Variants in AHCYL2 observed in about 807,000 individuals in gnomAD.
The protein encoded by AHCYL2 is S-adenosylhomocysteine hydrolase-like protein 2.
In AHCYL2, 28 loss-of-function variants were observed where a neutral mutation model predicts 81.4. The observed-to-expected ratio is 0.34, with a 90% CI of 0.25 to 0.47. The LOEUF (loss-of-function observed/expected upper bound fraction) is 0.47. Ranked by LOEUF, AHCYL2 falls within the 20% of genes least tolerant of loss-of-function variation. The pLI, the probability that AHCYL2 is intolerant of heterozygous loss-of-function variation, is 1.00. For synonymous variants in AHCYL2, 272 were observed against 290.2 expected, an observed-to-expected ratio of 0.94 and a Z score of 0.64; for missense variants, 551 against 785.1, an observed-to-expected ratio of 0.70 and a Z score of 3.56.
intron 15 of AHCYL2, among the ~76,000 whole-genome samples, chr7:129,425,377 T>A (rs1283684256): frequency 6.6e-6 from 1 of 152,216 alleles, no homozygotes; most frequent in Admixed American, 6.5e-5. Flanking sequence ...CCTGTGAATT[T>A]TAAGGATTTT....
chr7:129,283,124 C>T (rs1796507357), intron 1 of AHCYL2, among the ~76,000 whole-genome samples: 1 of 152,170 alleles, frequency 6.6e-6, no homozygotes, highest in Non-Finnish European at 1.5e-5. Flanking sequence ...GCTCCAGGTG[C>T]TCCCAGCATG....
At chr7:129,236,662 C>G (rs73721566) in intron 1 of AHCYL2, among the ~76,000 whole-genome samples, 510 of 152,294 alleles carry the variant, frequency 3.3e-3, no homozygotes, top group African/African-American at 0.012. Flanking sequence ...GCCATGTTGT[C>G]TTTAAAAATG....
intron 1 of AHCYL2, among the ~76,000 whole-genome samples, chr7:129,247,803 T>A (rs1029997207): frequency 1.3e-5 from 2 of 152,156 alleles, no homozygotes; most frequent in Admixed American, 1.3e-4. Context: ...GGTTTTGCCA[T>A]GTTGCCCAGG....
At chr7:129,305,874 A>G (rs1584765197) in intron 1 of AHCYL2, among the ~76,000 whole-genome samples, 1 of 152,214 alleles carries the variant, frequency 6.6e-6, no homozygotes, top group African/African-American at 2.4e-5. Flanking sequence ...ATACTGTTCT[A>G]GGATAAAAGA....
Position 129,290,605 on chromosome 7 carries a change from T to C in AHCYL2, c.363+65166T>C, listed in dbSNP as rs561892140. 4.0e-5 allele frequency among the ~76,000 whole-genome samples: 6 copies of C among 151,042 alleles called. No individual in the cohort carries two copies. In the South Asian group the frequency reaches 1.0e-3, roughly 26 times the overall value. ...TGCAGTATAACAGTAAAAAATAATATGGTTGCAGGTGAAAGAAAAACATGT... is the reference window on the plus strand; with the variant it reads ...TGCAGTATAACAGTAAAAAATAATACGGTTGCAGGTGAAAGAAAAACATGT... On this transcript the variant is annotated intron_variant, in intron 1 of 16. Transcript: ENST00000325006.
At chr7:129,366,342 C>A (rs148514519) in intron 1 of AHCYL2, among the ~76,000 whole-genome samples, 255 of 152,332 alleles carry the variant, frequency 1.7e-3, no homozygotes, top group African/African-American at 5.9e-3. Flanking sequence ...TCTCTGGCAT[C>A]TTACAGTACC....
At chr7:129,296,435 A>G (rs1487337487) in intron 1 of AHCYL2, among the ~76,000 whole-genome samples, 1 of 152,210 alleles carries the variant, frequency 6.6e-6, no homozygotes, top group Non-Finnish European at 1.5e-5. Flanking sequence ...GGGGCCAGGT[A>G]TGGTGGCTCA....
chr7:129,323,459 C>A (rs192457649), intron 1 of AHCYL2, among the ~76,000 whole-genome samples: 10 of 152,034 alleles, frequency 6.6e-5, no homozygotes, highest in African/African-American at 2.2e-4. Flanking sequence ...TATTTAAATT[C>A]GTTTTATGGC....
At chr7:129,364,983 C>T (rs894891335) in intron 1 of AHCYL2, among the ~76,000 whole-genome samples, 1 of 152,072 alleles carries the variant, frequency 6.6e-6, no homozygotes, top group African/African-American at 2.4e-5. Flanking sequence ...ATGCAAGTTG[C>T]CCCCAAAGTA....
At chr7:129,365,684 G>A (rs1794090296) in intron 1 of AHCYL2, among the ~76,000 whole-genome samples, 1 of 145,568 alleles carries the variant, frequency 6.9e-6, no homozygotes, top group African/African-American at 2.6e-5. Flanking sequence ...AGGATTTGTA[G>A]AGGGTTAAGA....
At chr7:129,286,708 GC>G (rs1460019134) in intron 1 of AHCYL2, among the ~76,000 whole-genome samples, 12 of 152,162 alleles carry the variant, frequency 7.9e-5, no homozygotes, top group Non-Finnish European at 1.6e-4. Flanking sequence ...TGATCCACCT[GC>G]CTTGGCCTCC....
intron 2 of AHCYL2, among the ~76,000 whole-genome samples, chr7:129,380,276 A>G (rs1290460629): frequency 6.6e-6 from 1 of 152,206 alleles, no homozygotes; most frequent in African/African-American, 2.4e-5. Flanking sequence ...GCATTAACTC[A>G]GATACATGTG....
chr7:129,267,355 A>T (rs920920164), intron 1 of AHCYL2, among the ~76,000 whole-genome samples: 4 of 151,576 alleles, frequency 2.6e-5, no homozygotes, highest in African/African-American at 9.7e-5. Flanking sequence ...CCCAGGCTGG[A>T]GTGCAGTGGC....
At chr7:129,249,647 G>T (rs1795183212) in intron 1 of AHCYL2, among the ~76,000 whole-genome samples, 1 of 151,164 alleles carries the variant, frequency 6.6e-6, no homozygotes, top group Non-Finnish European at 1.5e-5. Context: ...GGATGGTCTC[G>T]ATCTCCTGAC....
chr7:129,355,362 T>C (rs766182078), intron 1 of AHCYL2, among the ~76,000 whole-genome samples: 7 of 152,108 alleles, frequency 4.6e-5, no homozygotes, highest in Admixed American at 1.3e-4. Flanking sequence ...CAGACATGAG[T>C]TATAGTGCTG....
rs957202671 is a variant in AHCYL2 at position 129,406,548 on chromosome 7, A to G, written c.1295+82A>G. The G allele has an allele frequency of 2.3e-6, 3 of 1,308,380 alleles. No individual in the cohort carries two copies. The South Asian group carries it at 3.6e-5, about 16-fold the overall frequency. The allele number at this position is 1,308,380 out of a possible 1,614,324, so 81.0% of individuals were successfully genotyped here. A position where few individuals can be genotyped will look rare whatever the true frequency, so the allele number is the denominator to read the frequency against. ...CCTGGTTGATGCCACACTTTATTTT[A>G]GAGGAGCCCAGATCCTCAGAGATGC... On this transcript the variant is annotated intron_variant, in intron 10 of 16. Transcript: ENST00000325006. This position sits in a 1 kb window ranked among gnomAD's most constrained non-coding sequence, Gnocchi z 4.3.
intron 1 of AHCYL2, among the ~76,000 whole-genome samples, chr7:129,331,371 T>C (rs2150803378): frequency 6.6e-6 from 1 of 152,322 alleles, no homozygotes; most frequent in South Asian, 2.1e-4. Flanking sequence ...TATTGCATTG[T>C]TATTTATAAT....
At chr7:129,234,022 A>T (rs977721431) in intron 1 of AHCYL2, among the ~76,000 whole-genome samples, 3 of 143,064 alleles carry the variant, frequency 2.1e-5, no homozygotes, top group Non-Finnish European at 4.6e-5. Flanking sequence ...TTCTTTTTCT[A>T]TCTTTCTTCT....
intron 2 of AHCYL2, among the ~76,000 whole-genome samples, chr7:129,387,506 A>G (rs1354966356): frequency 6.6e-6 from 1 of 152,258 alleles, no homozygotes; most frequent in Non-Finnish European, 1.5e-5. Context: ...ACTCTGAAAA[A>G]GAATTTGAGA....
Sources: allele counts gnomAD v4.1 joint callset (sites outside exome capture counted in the v4.1 genomes callset), GRCh38; gene constraint gnomAD v4.1.1; non-coding constraint Gnocchi (gnomAD v3.1); transcripts MANE v1.5; gene names NCBI Gene and HGNC (gene_info 2026-07-23, HGNC 2026-07-21).